Variants in PPFIA3 observed in about 807,000 individuals in gnomAD.
PPFIA3 encodes the protein PPFI scaffold protein A3.
Under a neutral mutation model 145.8 loss-of-function variants are expected in PPFIA3, and 26 were observed. The observed-to-expected ratio is 0.18, with a 90% CI of 0.13 to 0.25. The LOEUF is 0.25. Among genes scored for constraint, PPFIA3 ranks in the 10% least tolerant of loss-of-function variants. The probability of loss-of-function intolerance (pLI) is 1.00; values close to 1 mark genes in which losing one functional copy is unlikely to be tolerated. For missense variants in PPFIA3, 1,008 were observed against 1,587.8 expected (o/e 0.63, Z 6.21); for synonymous variants, 645 against 661.4 (o/e 0.98, Z 0.38).
Position 49,151,016 on chromosome 19 carries a change from T to C in PPFIA3, c.*794T>C, listed in dbSNP as rs2041344183. On this transcript the variant is annotated 3_prime_UTR_variant, in exon 30 of 30. Coordinates refer to ENST00000334186, the MANE Select transcript of PPFIA3 (RefSeq NM_003660.4). ...CTCAGTGATCACGGGTAAAGAGAAC[T>C]GTTTCAAAAAGCTTCCTTGTTGACT... is the stretch of plus-strand genomic sequence containing the variant. 8.7e-6 allele frequency: 3 copies of C among 345,340 alleles called. No homozygotes were observed. Among genetic ancestry groups the C allele is most frequent in the South Asian group, 1.1e-4 (1 of 9,054 alleles). 21.4% of individuals were successfully genotyped at this position (345,340 alleles called of 1,614,324 possible).
chr19:49,130,661 G>T lies in PPFIA3; in HGVS notation c.879+62G>T, dbSNP rs749922774. The T allele has an allele frequency of 1.6e-5, 22 of 1,406,496 alleles. No individual in the cohort carries two copies. The highest frequency in any genetic ancestry group is 1.9e-5 in the Non-Finnish European group (20 of 1,035,786). 87.1% of individuals were successfully genotyped at this position (1,406,496 alleles called of 1,614,324 possible). A position where few individuals can be genotyped will look rare whatever the true frequency, so the allele number is the denominator to read the frequency against. The stretch of plus-strand genomic sequence containing the variant: ...TCGCCTTTCCGTAGAGCTCTCCCTC[G>T]CGCATTGCTCATGAATGGCGGAACC... On this transcript the variant is annotated intron_variant, in intron 7 of 29. Coordinates refer to ENST00000334186, the MANE Select transcript of PPFIA3 (RefSeq NM_003660.4). The surrounding 1 kb of genome is among the most constrained non-coding windows in gnomAD (Gnocchi z 4.5).
rs568071326 is a variant in PPFIA3, at chr19:49,132,490, A to G, written c.880-511A>G. 3.3e-5 allele frequency among the ~76,000 whole-genome samples: 5 copies of G among 150,164 alleles called. No individual in the cohort carries two copies. The South Asian group carries it at 1.1e-3, about 32-fold the overall frequency. On this transcript the variant is annotated intron_variant, in intron 7 of 29. Transcript: ENST00000334186. ...AGCCGCAGGGGCTATTGGGAAATGT[A>G]GCCCCACCACGTGGGCTACCAGATG... is the stretch of plus-strand genomic sequence containing the variant.
chr19:49,119,978 C>T (rs1600316960), intron 1 of PPFIA3, among the ~76,000 whole-genome samples: 1 of 152,106 alleles, frequency 6.6e-6, no homozygotes, highest in African/African-American at 2.4e-5. Flanking sequence ...CGGTCCGGCC[C>T]CGGGACCCCT....
chr19:49,141,603 T>TGA, intron 19 of PPFIA3, 90 bp downstream of exon 19: 1 of 869,762 alleles, frequency 1.1e-6, no homozygotes, highest in African/African-American at 1.7e-5. Context: ...TGTGTATGAG[T>TGA]GTGTGTGTGT....
chr19:49,139,764 G>C lies in PPFIA3; in HGVS notation c.2173G>C (p.Glu725Gln), dbSNP rs754601712. ...PPPTPRSARL[E>Q]RMTQALALQA... Reference sequence around the variant, plus strand: ...ACCCACTCCCCGCTCTGCCCGTCTTGAGAGAATGACCCAGGCCTTGGCACT... The same window carrying C: ...ACCCACTCCCCGCTCTGCCCGTCTTCAGAGAATGACCCAGGCCTTGGCACT... Residue 725 changes from glutamate (E) to glutamine (Q), a missense_variant, in exon 17 of 30, where the codon GAG (glutamate) becomes CAG (glutamine). Around this residue, in one of 11 missense-constraint regions of PPFIA3, gnomAD observed 202 missense variants for 241.8 expected, o/e 0.84. Coordinates refer to ENST00000334186, the MANE Select transcript of PPFIA3 (RefSeq NM_003660.4). The C allele has an allele frequency of 1.9e-6, 3 of 1,614,084 alleles. No individual in the cohort carries two copies. In the Admixed American group the frequency reaches 5.0e-5, roughly 27 times the overall value.
Position 49,130,006 on chromosome 19 carries a change from G to A in PPFIA3, c.596G>A (p.Arg199Gln), listed in dbSNP as rs748218434. 1.4e-5 allele frequency: 22 copies of A among 1,613,716 alleles called. No individual in the cohort carries two copies. The highest frequency in any genetic ancestry group is 1.7e-5 in the Non-Finnish European group (20 of 1,179,888). Residue 199 changes from arginine (R) to glutamine (Q), a missense_variant, in exon 6 of 30, where the codon CGA becomes CAA. By Grantham distance (43) the Arg-to-Gln change is conservative. This residue lies in a region of PPFIA3 where 136 missense variants were observed against 160.7 expected (regional missense o/e 0.85). Transcript: ENST00000334186. The surrounding 1 kb of genome is among the most constrained non-coding windows in gnomAD (Gnocchi z 4.5). ...ELSNQETLNL[R>Q]EQLSRRRSGL... ...TCACACTTCCAGACTCTGAACCTTC[G>A]AGAACAGCTGTCTAGGCGGCGGTCA...
In PPFIA3 at chr19:49,130,646, G is replaced by T. The variant is rs1424936136; in HGVS notation, c.879+47G>T. On this transcript the variant is annotated intron_variant, in intron 7 of 29. Transcript: ENST00000334186. The surrounding 1 kb of genome is among the most constrained non-coding windows in gnomAD (Gnocchi z 4.5). ...GCTGCCCTGGGTCCCTCGCCTTTCC[G>T]TAGAGCTCTCCCTCGCGCATTGCTC... 2 of 1,492,902 alleles carry T rather than the reference G, an allele frequency of 1.3e-6. No homozygotes were observed. The highest frequency in any genetic ancestry group is 2.5e-5 in the East Asian group (1 of 40,430). The allele number at this position is 1,492,902 out of a possible 1,614,324, so 92.5% of individuals were successfully genotyped here.
At chr19:49,143,117 A>C in intron 21 of PPFIA3, 113 bp downstream of exon 21, 52 of 1,241,746 alleles carry the variant, frequency 4.2e-5, no homozygotes, top group Non-Finnish European at 5.1e-5. Context: ...CCTGCTTCTC[A>C]TTGGCTTTTA....
Position 49,120,235 on chromosome 19 carries a change from C to T in PPFIA3, c.-16+513C>T, listed in dbSNP as rs2122501067. Among the ~76,000 whole-genome samples the T allele has an allele frequency of 6.6e-6, 1 of 152,174 alleles. No individual in the cohort carries two copies. Among genetic ancestry groups the T allele is most frequent in the African/African-American group, 2.4e-5 (1 of 41,552 alleles). ...GCTCGGCAGCCTCGCCTCCCCCCAC[C>T]TCCTGCCGCCGCCACCAGGGAGGGG... On this transcript the variant is annotated intron_variant, in intron 1 of 29. Transcript: ENST00000334186. This position sits in a 1 kb window ranked among gnomAD's most constrained non-coding sequence, Gnocchi z 4.6.
rs772150828 is a variant in PPFIA3, at chr19:49,139,713, C to T, written c.2122C>T (p.Pro708Ser). The stretch of plus-strand genomic sequence containing the variant: ...AGCTGGAGCTCCACGAGGGGAGGGG[C>T]CGGCCATCCCAGGAGACACCCCACC... ...EEAGAPRGEG[P>S]AIPGDTPPPT... The change falls in exon 17 of 30, where the codon CCG becomes TCG. Residue 708 changes from proline (P) to serine (S), a missense_variant. Physicochemically the swap from Pro to Ser is moderately conservative, Grantham distance 74. Coordinates refer to ENST00000334186, the MANE Select transcript of PPFIA3 (RefSeq NM_003660.4). The T allele has an allele frequency of 5.6e-6, 9 of 1,612,698 alleles. No homozygotes were observed. The highest frequency in any genetic ancestry group is 2.2e-5 in the East Asian group (1 of 44,846).
In PPFIA3 at chr19:49,135,997, T is replaced by TG. The variant is rs906102012; in HGVS notation, c.1665+78dup. On this transcript the variant is annotated intron_variant, in intron 14 of 29. Transcript: ENST00000334186. ...GCTGTAGGAAGTGGAACTAAATCTG[T>TG]GGGGCTCCGGGAGGAAGCTGGGTTG... 27 of 1,417,058 alleles carry TG rather than the reference T, an allele frequency of 1.9e-5. 1 individual carries two copies. Among genetic ancestry groups the TG allele is most frequent in the Non-Finnish European group, 2.5e-5 (27 of 1,081,156 alleles). 87.8% of individuals were successfully genotyped at this position (1,417,058 alleles called of 1,614,324 possible).
At chr19:49,135,751 T>A (rs1366510131) in intron 13 of PPFIA3, 28 bp from the exon 14 acceptor site, 4 of 1,589,400 alleles carry the variant, frequency 2.5e-6, no homozygotes, top group South Asian at 1.1e-5. Context: ...GACCCCTTGG[T>A]CTCTGACTGC....
chr19:49,136,659 C>G (rs2041140817), intron 14 of PPFIA3, 65 bp from the exon 15 acceptor site: 1 of 1,218,324 alleles, frequency 8.2e-7, no homozygotes, highest in Non-Finnish European at 1.1e-6. Flanking sequence ...GGATCATGAG[C>G]CAAGACCCAG....
At chr19:49,143,152 C>G (rs2041243626) in intron 21 of PPFIA3, 148 bp downstream of exon 21, 6 of 920,698 alleles carry the variant, frequency 6.5e-6, no homozygotes. Context: ...CCCTCCACTC[C>G]TAACTTGGCC....
In PPFIA3 at chr19:49,136,790, G is replaced by C; in HGVS notation, c.1732G>C (p.Asp578His). 2 of 1,592,638 alleles carry C rather than the reference G, an allele frequency of 1.3e-6. No individual in the cohort carries two copies. The highest frequency in any genetic ancestry group is 1.7e-6 in the Non-Finnish European group (2 of 1,169,760). The change falls in exon 15 of 30, where the codon GAT (aspartate) becomes CAT (histidine). Residue 578 changes from aspartate to histidine, a missense_variant. Asp to His is a moderately conservative substitution (Grantham distance 81). Coordinates refer to ENST00000334186, the MANE Select transcript of PPFIA3 (RefSeq NM_003660.4). Reference sequence around the variant, plus strand: ...ATTCCCTGGGGAACTGGACGGCTCCGATGAGGAGGAGGCAGAGGGGATGTT... The same window carrying C: ...ATTCCCTGGGGAACTGGACGGCTCCCATGAGGAGGAGGCAGAGGGGATGTT... ...PPFPGELDGS[D>H]EEEAEGMFGA...
chr19:49,148,990 C>T lies in PPFIA3; in HGVS notation c.3110-3C>T. 1.2e-6 allele frequency: 2 copies of T among 1,613,296 alleles called. No individual in the cohort carries two copies. Among genetic ancestry groups the T allele is most frequent in the Non-Finnish European group, 8.5e-7 (1 of 1,179,578 alleles). ...CACGGCTGAGGGTCCCTTCCGTCCCCAGACGTGATGGTGTGGTCCAATGAG... is the reference window on the plus strand; with the variant it reads ...CACGGCTGAGGGTCCCTTCCGTCCCTAGACGTGATGGTGTGGTCCAATGAG... On this transcript the variant is annotated splice_polypyrimidine_tract_variant and splice_region_variant and intron_variant, in intron 25 of 29. Coordinates refer to ENST00000334186, the MANE Select transcript of PPFIA3 (RefSeq NM_003660.4).
Position 49,138,314 on chromosome 19 carries a change from C to T in PPFIA3, c.1963C>T (p.Leu655=). 1 of 1,613,100 alleles carries T rather than the reference C, an allele frequency of 6.2e-7. No individual in the cohort carries two copies. Among genetic ancestry groups the T allele is most frequent in the Non-Finnish European group, 8.5e-7 (1 of 1,179,650 alleles). Residue 655 remains leucine (L), a synonymous_variant, in exon 16 of 30, where the codon CTG becomes TTG. Transcript: ENST00000334186. ...SLGRYRSSCS[L]PPSLTTSTLA... ...GGGCCGCTACCGCAGCAGCTGCTCC[C>T]TGCCCCCCTCCCTCACCACCTCTAC...
intron 1 of PPFIA3, among the ~76,000 whole-genome samples, chr19:49,126,474 C>G (rs928358952): frequency 4.0e-5 from 6 of 151,482 alleles, no homozygotes; most frequent in Admixed American, 3.3e-4. Context: ...TGGTCTTGAA[C>G]TCCTGACCTC....
intron 18 of PPFIA3, 103 bp downstream of exon 18, chr19:49,140,191 A>C (rs1047860670): frequency 1.5e-6 from 2 of 1,347,466 alleles, no homozygotes; most frequent in South Asian, 1.4e-5. Context: ...TCATGTCTTC[A>C]TTCATTTGGT....
Sources: allele counts gnomAD v4.1 joint callset (sites outside exome capture counted in the v4.1 genomes callset), GRCh38; gene constraint gnomAD v4.1.1; regional missense constraint gnomAD v4.1.1; non-coding constraint Gnocchi (gnomAD v3.1); transcripts MANE v1.5; gene names NCBI Gene and HGNC (gene_info 2026-07-23, HGNC 2026-07-21).